Variants in GAS6 observed in about 807,000 individuals in gnomAD.
GAS6 encodes growth arrest specific 6.
A neutral mutation model predicts 75.8 loss-of-function variants in GAS6; 41 were observed. The observed-to-expected ratio is 0.54, with a 90% confidence interval of 0.42 to 0.70. GAS6 has a LOEUF of 0.70. Among genes scored for constraint, GAS6 ranks in the 30% least tolerant of loss-of-function variants. The pLI is 0.00. For missense variants in GAS6, 854 were observed against 940.2 expected (o/e 0.91, Z 1.20); for synonymous variants, 432 against 412.6 (o/e 1.05, Z -0.57).
chr13:113,820,873 G>T lies in GAS6; in HGVS notation c.2028C>A (p.Ala676=), dbSNP rs746689718. The part of the protein sequence containing the change: ...TAHSCPPVEP[A]AA ...CGCGTCCCGTGGGGGCCTAGGCTGC[G>T]GCGGGCTCCACGGGGGGGCAGGAGT... Residue 676 remains alanine, a synonymous_variant, in exon 15 of 15, where the codon GCC becomes GCA. Coordinates refer to ENST00000327773, the MANE Select transcript of GAS6 (RefSeq NM_000820.4). 1.2e-6 allele frequency: 2 copies of T among 1,610,156 alleles called. No individual in the cohort carries two copies. The highest frequency in any genetic ancestry group is 8.5e-7 in the Non-Finnish European group (1 of 1,179,630).
rs893932854 is a variant in GAS6, at chr13:113,844,794, G to A, written c.343+1733C>T. The A allele has an allele frequency of 2.0e-5, 3 of 150,536 alleles. No individual in the cohort carries two copies. The highest frequency in any genetic ancestry group is 4.4e-5 in the Non-Finnish European group (3 of 68,040). 9.3% of individuals were successfully genotyped at this position (150,536 alleles called of 1,614,324 possible). The stretch of plus-strand genomic sequence containing the variant: ...AGGACGGCAGCAGGTGAGGCACTGG[G>A]GTGAGACAGACTCAAATGTGTGGTG... On this transcript the variant is annotated intron_variant, in intron 4 of 14. Coordinates refer to ENST00000327773, the MANE Select transcript of GAS6 (RefSeq NM_000820.4). This position sits in a 1 kb window ranked among gnomAD's most constrained non-coding sequence, Gnocchi z 5.7.
rs565044887 is a variant in GAS6, at chr13:113,837,585, G to C, written c.589+484C>G. ...GGTGTCCTGGGGCTCCCCAGCTCTG[G>C]CCCTGGGCTGAGGGAACCCCAGACT... On this transcript the variant is annotated intron_variant, in intron 6 of 14. Transcript: ENST00000327773. This position sits in a 1 kb window ranked among gnomAD's most constrained non-coding sequence, Gnocchi z 5.1. Among the ~76,000 whole-genome samples the C allele has an allele frequency of 2.0e-3, 309 of 152,282 alleles. 1 individual carries two copies. Among genetic ancestry groups the C allele is most frequent in the African/African-American group, 7.2e-3 (299 of 41,556 alleles).
Position 113,847,804 on chromosome 13 carries a change from G to C in GAS6, c.280+222C>G, listed in dbSNP as rs76468657. ...TCAGAGAAGGGGTTTGCAGATAACA[G>C]CATTCACCTGAGGTTCCACTAACAC... On this transcript the variant is annotated intron_variant, in intron 3 of 14. Coordinates refer to ENST00000327773, the MANE Select transcript of GAS6 (RefSeq NM_000820.4). The C allele has an allele frequency of 0.011, 6,248 of 586,082 alleles. 324 individuals carry two copies. The African/African-American group carries it at 0.11, about 10-fold the overall frequency. 36.3% of individuals were successfully genotyped at this position (586,082 alleles called of 1,614,324 possible).
rs1038344774 is a variant in GAS6 at position 113,863,167 on chromosome 13, T to C, written c.255+408A>G. ...AGTTCCCGCCCTCGGCCCTTTCAAT[T>C]CCTCTTTCGGGAGGGGACTGCTCTC... is the stretch of plus-strand genomic sequence containing the variant. On this transcript the variant is annotated intron_variant, in intron 2 of 14. Transcript: ENST00000327773. This position sits in a 1 kb window ranked among gnomAD's most constrained non-coding sequence, Gnocchi z 9.4. Among the ~76,000 whole-genome samples the C allele has an allele frequency of 5.3e-5, 8 of 152,044 alleles. No homozygotes were observed. Among genetic ancestry groups the C allele is most frequent in the Non-Finnish European group, 4.4e-5 (3 of 67,984 alleles).
rs894614419 is a variant in GAS6, at chr13:113,863,899, C to T, written c.22G>A (p.Gly8Arg). Residue 8 changes from glycine (G) to arginine (R), a missense_variant, in exon 1 of 15, where the codon GGG becomes AGG. Coordinates refer to ENST00000327773, the MANE Select transcript of GAS6 (RefSeq NM_000820.4). This position sits in a 1 kb window ranked among gnomAD's most constrained non-coding sequence, Gnocchi z 9.4. MAPSLSP[G>R]PAALRRAPQL... is the part of the protein sequence containing the mutation. The stretch of plus-strand genomic sequence containing the variant: ...GGCGCGCGGCGCAGGGCGGCGGGCC[C>T]GGGCGAGAGCGAAGGGGCCATGGCG... 1.7e-6 allele frequency: 2 copies of T among 1,181,936 alleles called. No individual in the cohort carries two copies. Among genetic ancestry groups the T allele is most frequent in the African/African-American group, 3.2e-5 (2 of 62,040 alleles). The allele number at this position is 1,181,936 out of a possible 1,614,324, so 73.2% of individuals were successfully genotyped here. A position where few individuals can be genotyped will look rare whatever the true frequency, so the allele number is the denominator to read the frequency against.
rs754397494 is a variant in GAS6 at position 113,827,006 on chromosome 13, G to C, written c.1467C>G (p.Ser489Arg). The change falls in exon 12 of 15, where the codon AGC becomes AGG. Residue 489 changes from serine to arginine, a missense_variant. By Grantham distance (110) the Ser-to-Arg change is moderately radical (BLOSUM62 -1). Transcript: ENST00000327773. ...AGAGCCAAGACTTACTGTAGTCCAGGCTGTAGAAGGCGAAGCCGCTCCCGG... is the reference window on the plus strand; with the variant it reads ...AGAGCCAAGACTTACTGTAGTCCAGCCTGTAGAAGGCGAAGCCGCTCCCGG... ...FYPGSGFAFY[S>R]LDYMRTPLDV... 1.9e-6 allele frequency: 3 copies of C among 1,612,880 alleles called. No homozygotes were observed. In the Admixed American group the frequency reaches 5.0e-5, roughly 27 times the overall value.
At chr13:113,831,132 C>T (rs767328835) in intron 10 of GAS6, among the ~76,000 whole-genome samples, 6 of 152,236 alleles carry the variant, frequency 3.9e-5, no homozygotes, top group Non-Finnish European at 5.9e-5. Context: ...CAGGCCCTCT[C>T]GCTCCACGGA....
Position 113,848,124 on chromosome 13 carries a change from G to C in GAS6, c.256-74C>G. ...GGGTCTCTGAACAACATAAGCATCA[G>C]CTGGTTAATCAGAGGCTGCTCTCGG... On this transcript the variant is annotated intron_variant, in intron 2 of 14. Transcript: ENST00000327773. The surrounding 1 kb of genome is among the most constrained non-coding windows in gnomAD (Gnocchi z 4.8). The C allele has an allele frequency of 6.6e-7, 1 of 1,516,608 alleles. No homozygotes were observed. Among genetic ancestry groups the C allele is most frequent in the Non-Finnish European group, 9.0e-7 (1 of 1,106,914 alleles). The allele number at this position is 1,516,608 out of a possible 1,614,324, so 93.9% of individuals were successfully genotyped here. A position where few individuals can be genotyped will look rare whatever the true frequency, so the allele number is the denominator to read the frequency against.
At chr13:113,823,022 T>C (rs1566351290) in intron 13 of GAS6, 2 of 191,230 alleles carry the variant, frequency 1.0e-5, no homozygotes, top group Admixed American at 6.1e-5. Context: ...TCCAGGGAAA[T>C]TGGAAAACTG....
intron 2 of GAS6, among the ~76,000 whole-genome samples, chr13:113,851,555 G>A (rs2051876099): frequency 6.6e-6 from 1 of 151,812 alleles, no homozygotes; most frequent in South Asian, 2.1e-4. Flanking sequence ...GTGAGTGAGT[G>A]GATAGATGAG....
At chr13:113,849,968 A>C (rs2051860773) in intron 2 of GAS6, among the ~76,000 whole-genome samples, 1 of 152,246 alleles carries the variant, frequency 6.6e-6, no homozygotes, top group Non-Finnish European at 1.5e-5. Flanking sequence ...TGAGAGAAAG[A>C]AAAAGAGACA....
At chr13:113,862,344 G>T (rs1439843485) in intron 2 of GAS6, among the ~76,000 whole-genome samples, 1 of 152,214 alleles carries the variant, frequency 6.6e-6, no homozygotes, top group African/African-American at 2.4e-5. Context: ...GAATGTTCCG[G>T]GTGAGGACGC....
chr13:113,860,221 G>A (rs567344850), intron 2 of GAS6, among the ~76,000 whole-genome samples: 8 of 152,328 alleles, frequency 5.3e-5, no homozygotes, highest in African/African-American at 1.9e-4. Flanking sequence ...GCCACATGTC[G>A]TGCAGGTGCG....
In GAS6 at chr13:113,848,148, G is replaced by C; in HGVS notation, c.256-98C>G. 1 of 1,361,742 alleles carries C rather than the reference G, an allele frequency of 7.3e-7. No individual in the cohort carries two copies. The highest frequency in any genetic ancestry group is 1.8e-4 in the Middle Eastern group (1 of 5,466). The allele number at this position is 1,361,742 out of a possible 1,614,324, so 84.4% of individuals were successfully genotyped here. On this transcript the variant is annotated intron_variant, in intron 2 of 14. Transcript: ENST00000327773. This position sits in a 1 kb window ranked among gnomAD's most constrained non-coding sequence, Gnocchi z 4.8. ...AGCTGGTTAATCAGAGGCTGCTCTCGGGGCAGCCAGAGGGCCGCCCCACCC... is the reference window on the plus strand; with the variant it reads ...AGCTGGTTAATCAGAGGCTGCTCTCCGGGCAGCCAGAGGGCCGCCCCACCC...
At position 113,827,077 on chromosome 13, in the gene GAS6, T is replaced by G. The variant is rs745714414; in HGVS notation, c.1396A>C (p.Thr466Pro). The change falls in exon 12 of 15, where the codon ACG becomes CCG. Residue 466 changes from threonine (T) to proline (P), a missense_variant. Thr to Pro is a conservative substitution (Grantham distance 38). Transcript: ENST00000327773. ...TTIQETVKVN[T>P]RMQCFSVTER... Reference sequence around the variant, plus strand: ...GTCACCGAGAAGCACTGCATCCTCGTGTTCACTTTCACCGTTTCCTGGATG... The same window carrying G: ...GTCACCGAGAAGCACTGCATCCTCGGGTTCACTTTCACCGTTTCCTGGATG... 9.9e-6 allele frequency: 16 copies of G among 1,613,162 alleles called. No homozygotes were observed. The highest frequency in any genetic ancestry group is 1.4e-5 in the Non-Finnish European group (16 of 1,179,884).
chr13:113,823,258 G>A (rs2051484287), intron 13 of GAS6, 117 bp downstream of exon 13: 1 of 1,190,626 alleles, frequency 8.4e-7, no homozygotes, highest in Admixed American at 2.6e-5. Flanking sequence ...TCTGGTCAGA[G>A]GCTTTGGGGG....
chr13:113,861,156 G>C (rs1336582895), intron 2 of GAS6, among the ~76,000 whole-genome samples: 1 of 152,234 alleles, frequency 6.6e-6, no homozygotes, highest in South Asian at 2.1e-4. Context: ...TAGCAGTTTA[G>C]CAGGTGGACA....
chr13:113,825,747 G>T (rs2051528976), intron 12 of GAS6, among the ~76,000 whole-genome samples: 1 of 152,244 alleles, frequency 6.6e-6, no homozygotes, highest in South Asian at 2.1e-4. Flanking sequence ...CGTGTGCACA[G>T]TCAGTCCAGC....
chr13:113,855,923 T>TA (rs1229347578), intron 2 of GAS6, among the ~76,000 whole-genome samples: 1 of 152,140 alleles, frequency 6.6e-6, no homozygotes, highest in African/African-American at 2.4e-5. Flanking sequence ...TGGTGAGACT[T>TA]AAAGGTCACT....
Sources: gnomAD v4.1 joint callset for allele counts (sites outside exome capture counted in the v4.1 genomes callset) on GRCh38, gnomAD v4.1.1 for gene constraint, Gnocchi (gnomAD v3.1) non-coding constraint, MANE v1.5 for transcripts, NCBI Gene and HGNC (gene_info 2026-07-23, HGNC 2026-07-21) for gene names.